AATF: variants seen among roughly 807,000 people sequenced by gnomAD.
AATF encodes the protein protein AATF.
Under a neutral mutation model 63.7 loss-of-function variants are expected in AATF, and 48 were observed. That is an observed-to-expected ratio of 0.75 (90% CI 0.60 to 0.96). AATF has a LOEUF of 0.96. AATF is among the 40% of genes least tolerant of loss of function. The pLI is 0.00. For synonymous variants in AATF, 258 were observed against 247.7 expected (o/e 1.04, Z -0.39); for missense variants, 639 against 685.7 (o/e 0.93, Z 0.76).
chr17:36,990,088 TAAC>T lies in AATF; in HGVS notation c.1314+680_1315-681del, dbSNP rs546401136. On this transcript the variant is annotated intron_variant, in intron 7 of 11. Transcript: ENST00000619387. ...TTGTGTAACTATATATGTGTGCAAA[TAAC>T]AAATATATATGTATAAATATGGTTG... is the stretch of plus-strand genomic sequence containing the variant. Among the ~76,000 whole-genome samples, 24 of 152,266 alleles carry T rather than the reference TAAC, an allele frequency of 1.6e-4. No individual in the cohort carries two copies. The South Asian group carries it at 4.6e-3, about 29-fold the overall frequency.
intron 10 of AATF, among the ~76,000 whole-genome samples, chr17:37,021,400 G>A (rs1188102472): frequency 1.3e-5 from 2 of 152,126 alleles, no homozygotes; most frequent in African/African-American, 4.8e-5. Flanking sequence ...AGGCCGAGGT[G>A]GGCAGATCAC....
intron 4 of AATF, among the ~76,000 whole-genome samples, chr17:36,979,583 T>G: frequency 6.6e-6 from 1 of 152,190 alleles, no homozygotes; most frequent in South Asian, 2.1e-4. Flanking sequence ...TGTATTTATC[T>G]GGGGTAATAT....
At chr17:37,021,990 G>C (rs2071475408) in intron 10 of AATF, among the ~76,000 whole-genome samples, 1 of 152,044 alleles carries the variant, frequency 6.6e-6, no homozygotes, top group Non-Finnish European at 1.5e-5. Flanking sequence ...AGAAAATAGA[G>C]CAATTTCTGA....
At chr17:36,961,765 G>A (rs7207119) in intron 4 of AATF, among the ~76,000 whole-genome samples, 1 of 151,280 alleles carries the variant, frequency 6.6e-6, no homozygotes, top group East Asian at 1.9e-4. Flanking sequence ...CCTCTGCCCC[G>A]CCGGGTTTAA....
intron 5 of AATF, among the ~76,000 whole-genome samples, chr17:36,988,146 T>C (rs1011030777): frequency 6.6e-6 from 1 of 152,142 alleles, no homozygotes. Flanking sequence ...AAACACCATC[T>C]TTACTAAAAA....
intron 4 of AATF, among the ~76,000 whole-genome samples, chr17:36,983,233 G>A (rs1190877009): frequency 1.3e-5 from 2 of 152,002 alleles, no homozygotes; most frequent in Non-Finnish European, 2.9e-5. Flanking sequence ...TGTAGAGACA[G>A]GGTCTTCCTA....
At chr17:36,979,635 A>G (rs1236753808) in intron 4 of AATF, among the ~76,000 whole-genome samples, 1 of 152,146 alleles carries the variant, frequency 6.6e-6, no homozygotes, top group Non-Finnish European at 1.5e-5. Context: ...AATAATTGTA[A>G]TGTTTGCGTA....
At chr17:36,999,077 T>C (rs1369862132) in intron 8 of AATF, 1 of 152,154 alleles carries the variant, frequency 6.6e-6, no homozygotes, top group Non-Finnish European at 1.5e-5. Context: ...AAACATTGGA[T>C]AATACAAATT....
chr17:37,018,873 C>A (rs1354122847), intron 8 of AATF, 132 bp from the exon 9 acceptor site: 1 of 707,686 alleles, frequency 1.4e-6, no homozygotes, highest in Non-Finnish European at 2.5e-6. Flanking sequence ...AATGCTCTTG[C>A]CACTGGGTTG....
At chr17:37,011,109 G>A (rs563148714) in intron 8 of AATF, among the ~76,000 whole-genome samples, 20 of 152,182 alleles carry the variant, frequency 1.3e-4, no homozygotes, top group Non-Finnish European at 2.2e-4. Context: ...TGTGGCTTAC[G>A]CCTGTAATCC....
At position 36,988,579 on chromosome 17, in the gene AATF, G is replaced by C. The variant is rs772436415; in HGVS notation, c.1008G>C (p.Arg336Ser). 6 of 1,613,992 alleles carry C rather than the reference G, an allele frequency of 3.7e-6. No homozygotes were observed. In the Admixed American group the frequency reaches 6.7e-5, roughly 18 times the overall value. The stretch of plus-strand genomic sequence containing the variant: ...AAGAGAAGAAGCAGCAACGAAGAAG[G>C]GTCCCTGCAAAGAGGAAGCTGGAGA... ...LVEEKKQQRR[R>S]VPAKRKLEME... The change falls in exon 6 of 12, where the codon AGG becomes AGC. Residue 336 changes from arginine (R) to serine (S), a missense_variant. Physicochemically the swap from Arg to Ser is moderately radical, Grantham distance 110. Transcript: ENST00000619387.
intron 4 of AATF, among the ~76,000 whole-genome samples, chr17:36,959,361 T>G (rs899486342): frequency 2.6e-5 from 4 of 152,160 alleles, no homozygotes; most frequent in Admixed American, 2.6e-4. Context: ...GAGAATTGCT[T>G]GAACCCAGGA....
intron 4 of AATF, among the ~76,000 whole-genome samples, chr17:36,966,669 A>T: frequency 6.6e-6 from 1 of 152,162 alleles, no homozygotes; most frequent in East Asian, 1.9e-4. Flanking sequence ...ATGTAAATTT[A>T]AAGTTTTGTT....
chr17:37,010,633 C>T (rs2071383527), intron 8 of AATF, among the ~76,000 whole-genome samples: 1 of 152,064 alleles, frequency 6.6e-6, no homozygotes, highest in Non-Finnish European at 1.5e-5. Context: ...GTACAGTGTA[C>T]AGTAAGAACA....
intron 4 of AATF, among the ~76,000 whole-genome samples, chr17:36,960,229 G>T (rs545640750): frequency 6.6e-6 from 1 of 152,246 alleles, no homozygotes; most frequent in East Asian, 1.9e-4. Flanking sequence ...GGCCAGGCCG[G>T]TCTTGAACTC....
At chr17:36,997,201 T>G (rs1382000272) in intron 8 of AATF, among the ~76,000 whole-genome samples, 2 of 152,188 alleles carry the variant, frequency 1.3e-5, no homozygotes, top group Non-Finnish European at 2.9e-5. Flanking sequence ...AAAGTAGGCA[T>G]GAGGTCTTGG....
chr17:37,049,031 A>G lies in AATF; in HGVS notation c.1620-7570A>G, dbSNP rs191277382. Among the ~76,000 whole-genome samples, 697 of 152,280 alleles carry G rather than the reference A, an allele frequency of 4.6e-3. 25 individuals carry two copies. Among genetic ancestry groups the G allele is most frequent in the Admixed American group, 0.039 (590 of 15,300 alleles). ...CATAGATGACGATGCCATTTATGCA[A>G]TGCGGACTTTGCTTAGTGCTGTAAA... On this transcript the variant is annotated intron_variant, in intron 11 of 11. Transcript: ENST00000619387.
At chr17:36,960,056 G>A (rs2070934478) in intron 4 of AATF, among the ~76,000 whole-genome samples, 3 of 151,080 alleles carry the variant, frequency 2.0e-5, no homozygotes, top group East Asian at 2.0e-4. Context: ...CTCTGTCGCC[G>A]AGGCTGGAGT....
chr17:37,056,860 T>C lies in AATF; in HGVS notation c.*196T>C. ...CTTTAAACGCCACAAATAAAGAGCA[T>C]TGTTACCGCCACCACCGCTTGTGAT... On this transcript the variant is annotated 3_prime_UTR_variant, in exon 12 of 12. Coordinates refer to ENST00000619387, the MANE Select transcript of AATF (RefSeq NM_012138.4). The C allele has an allele frequency of 1.7e-6, 1 of 596,076 alleles. No individual in the cohort carries two copies. The highest frequency in any genetic ancestry group is 2.1e-5 in the South Asian group (1 of 48,572). The allele number at this position is 596,076 out of a possible 1,614,324, so 36.9% of individuals were successfully genotyped here.
Sources: gnomAD v4.1 joint callset for allele counts (sites outside exome capture counted in the v4.1 genomes callset) on GRCh38, gnomAD v4.1.1 for gene constraint, MANE v1.5 for transcripts, NCBI Gene and HGNC (gene_info 2026-07-23, HGNC 2026-07-21) for gene names.